Variants in LRRC37A2 observed in about 807,000 individuals in gnomAD.
LRRC37A2 encodes the protein leucine-rich repeat-containing protein 37A2.
Under a neutral mutation model 68.8 loss-of-function variants are expected in LRRC37A2, and 9 were observed. The ratio of observed to expected loss-of-function variants is 0.13; its 90% CI spans 0.08 to 0.23. The LOEUF (loss-of-function observed/expected upper bound fraction) is 0.23. Ranked by LOEUF, LRRC37A2 falls within the 10% of genes least tolerant of loss-of-function variation. The pLI is 1.00. For missense variants in LRRC37A2, 168 were observed against 950.4 expected (o/e 0.18, Z 10.82); for synonymous variants, 63 against 367.6 (o/e 0.17, Z 9.48).
chr17:46,869,232 A>T, the LRRC37A2 span, among the ~76,000 whole-genome samples: 6 of 152,180 alleles, frequency 3.9e-5, no homozygotes, highest in African/African-American at 1.4e-4. Flanking sequence ...CCGACTTGAT[A>T]CTGGACTCTC....
At chr17:46,777,885 C>T in the LRRC37A2 span, among the ~76,000 whole-genome samples, 1 of 152,184 alleles carries the variant, frequency 6.6e-6, no homozygotes, top group Non-Finnish European at 1.5e-5. Context: ...TCCCTCTTTC[C>T]ACCAAACCCT....
the LRRC37A2 span, among the ~76,000 whole-genome samples, chr17:46,767,682 G>A: frequency 1.3e-5 from 2 of 152,220 alleles, no homozygotes; most frequent in African/African-American, 4.8e-5. Context: ...ATGACAGCTA[G>A]CAGCTATGCA....
At chr17:46,795,497 C>T in the LRRC37A2 span, among the ~76,000 whole-genome samples, 16 of 152,164 alleles carry the variant, frequency 1.1e-4, no homozygotes, top group East Asian at 1.9e-4. Flanking sequence ...CAGCCCCTGA[C>T]GCCCTGTCTA....
At chr17:47,029,407 G>A in the LRRC37A2 span, among the ~76,000 whole-genome samples, 4 of 152,122 alleles carry the variant, frequency 2.6e-5, no homozygotes, top group African/African-American at 9.7e-5. Flanking sequence ...TCAAATCAGA[G>A]TGGGTATATT....
At chr17:46,962,968 A>G in the LRRC37A2 span, among the ~76,000 whole-genome samples, 1 of 152,178 alleles carries the variant, frequency 6.6e-6, no homozygotes, top group Non-Finnish European at 1.5e-5. Flanking sequence ...TGTATAACTA[A>G]CTCCCATTTT....
chr17:46,935,492 T>G, the LRRC37A2 span: 1 of 1,350,858 alleles, frequency 7.4e-7, no homozygotes, highest in Admixed American at 3.3e-5. Flanking sequence ...TGTTACAGAA[T>G]CTACTCTTGG....
the LRRC37A2 span, among the ~76,000 whole-genome samples, chr17:47,016,279 T>C: frequency 2.0e-5 from 3 of 151,462 alleles, no homozygotes; most frequent in African/African-American, 7.3e-5. Context: ...ATGCACCCTA[T>C]GCCTATGCCA....
chr17:46,894,382 G>A, the LRRC37A2 span, among the ~76,000 whole-genome samples: 1 of 152,194 alleles, frequency 6.6e-6, no homozygotes, highest in Non-Finnish European at 1.5e-5. Context: ...CTTGGGTTTT[G>A]CCAGGCCTCA....
chr17:46,898,271 T>C, the LRRC37A2 span, among the ~76,000 whole-genome samples: 2 of 152,094 alleles, frequency 1.3e-5, no homozygotes, highest in African/African-American at 4.8e-5. Flanking sequence ...AACAAATAGA[T>C]GGCCTCAGAG....
chr17:46,540,448 TGAA>T (rs2055110854), intron 7 of LRRC37A2, among the ~76,000 whole-genome samples: 1 of 146,502 alleles, frequency 6.8e-6, no homozygotes, highest in South Asian at 2.1e-4. Context: ...AGAACAGCAT[TGAA>T]GAACCCATAT....
chr17:46,760,110 T>C, the LRRC37A2 span, among the ~76,000 whole-genome samples: 11 of 152,106 alleles, frequency 7.2e-5, no homozygotes. Flanking sequence ...TACAAAAGAT[T>C]TTATTTTTAA....
chr17:46,739,235 G>A, the LRRC37A2 span, among the ~76,000 whole-genome samples: 1 of 152,206 alleles, frequency 6.6e-6, no homozygotes, highest in Middle Eastern at 3.4e-3. Context: ...GCCAGGCATG[G>A]TGACAGGCGT....
chr17:46,714,333 G>A, the LRRC37A2 span, among the ~76,000 whole-genome samples: 2 of 152,088 alleles, frequency 1.3e-5, no homozygotes, highest in Non-Finnish European at 2.9e-5. Context: ...TTTCATTATT[G>A]TACAAAGTTG....
the LRRC37A2 span, chr17:47,027,618 T>C: frequency 1.3e-5 from 17 of 1,268,146 alleles, no homozygotes; most frequent in Non-Finnish European, 1.8e-5. Context: ...ACTACCATTT[T>C]TGAAGTTTAT....
the LRRC37A2 span, among the ~76,000 whole-genome samples, chr17:46,569,103 T>C: frequency 6.7e-6 from 1 of 149,188 alleles, no homozygotes; most frequent in African/African-American, 2.5e-5. Context: ...CCACCAAGCC[T>C]GGCTAATTTT....
chr17:46,852,605 G>A, the LRRC37A2 span, among the ~76,000 whole-genome samples: 1 of 151,918 alleles, frequency 6.6e-6, no homozygotes, highest in Non-Finnish European at 1.5e-5. Context: ...TGAATTGCAG[G>A]GATTTGGTGA....
the LRRC37A2 span, among the ~76,000 whole-genome samples, chr17:46,771,330 C>CA: frequency 4.6e-5 from 7 of 151,952 alleles, no homozygotes; most frequent in Admixed American, 3.3e-4. Context: ...GCCGCTCACT[C>CA]GCCCCAATCC....
At chr17:46,994,967 C>T in the LRRC37A2 span, among the ~76,000 whole-genome samples, 2 of 152,036 alleles carry the variant, frequency 1.3e-5, no homozygotes, top group Non-Finnish European at 2.9e-5. Flanking sequence ...ACTAAAAATA[C>T]AAAAAATTAG....
At chr17:46,695,201 G>A in the LRRC37A2 span, among the ~76,000 whole-genome samples, 3 of 129,612 alleles carry the variant, frequency 2.3e-5, no homozygotes, top group South Asian at 8.2e-4. Flanking sequence ...AGCTGAGATT[G>A]CGCCACTGCA....
Sources: gnomAD v4.1 joint callset for allele counts (sites outside exome capture counted in the v4.1 genomes callset) on GRCh38, gnomAD v4.1.1 for gene constraint, MANE v1.5 for transcripts, NCBI Gene and HGNC (gene_info 2026-07-23, HGNC 2026-07-21) for gene names.